Variants in ADAM9 observed in about 807,000 individuals in gnomAD.
ADAM9 encodes disintegrin and metalloproteinase domain-containing protein 9.
Under a neutral mutation model 108.1 loss-of-function variants are expected in ADAM9, and 54 were observed. That is an observed-to-expected ratio of 0.50 (90% CI 0.40 to 0.63). ADAM9 has a LOEUF of 0.63. Ranked by LOEUF, ADAM9 falls within the 20% of genes least tolerant of loss-of-function variation. The pLI, the probability that ADAM9 is intolerant of heterozygous loss-of-function variation, is 0.00. For synonymous variants in ADAM9, 316 were observed against 336.0 expected, an observed-to-expected ratio of 0.94 and a Z score of 0.65; for missense variants, 830 against 997.7, an observed-to-expected ratio of 0.83 and a Z score of 2.26.
chr8:39,079,026 A>G (rs2129442027), intron 16 of ADAM9, among the ~76,000 whole-genome samples: 1 of 152,314 alleles, frequency 6.6e-6, no homozygotes, highest in South Asian at 2.1e-4. Context: ...GGTGAGAGAA[A>G]ACAGGGGAGG....
intron 2 of ADAM9, among the ~76,000 whole-genome samples, chr8:39,008,285 C>T (rs1157233725): frequency 1.3e-5 from 2 of 152,026 alleles, no homozygotes; most frequent in East Asian, 1.9e-4. Flanking sequence ...ATTCTCCTGC[C>T]TCAGCCTTCT....
chr8:39,042,223 A>C, intron 12 of ADAM9, 106 bp downstream of exon 12: 1 of 1,208,818 alleles, frequency 8.3e-7, no homozygotes, highest in Non-Finnish European at 1.2e-6. Context: ...AGTAAAATTT[A>C]GTGGCACAGT....
rs374186596 is a variant in ADAM9 at position 39,054,441 on chromosome 8, A to T, written c.1303-40A>T. 11 of 1,543,618 alleles carry T rather than the reference A, an allele frequency of 7.1e-6. No homozygotes were observed. The Admixed American group carries it at 1.7e-4, about 23-fold the overall frequency. ...ATTTTATTAATGAGTATTCATGTCAATTACTAATTTCTTTATTGACAGTCA... is the reference window on the plus strand; with the variant it reads ...ATTTTATTAATGAGTATTCATGTCATTTACTAATTTCTTTATTGACAGTCA... On this transcript the variant is annotated intron_variant, in intron 12 of 21. Transcript: ENST00000487273.
intron 12 of ADAM9, among the ~76,000 whole-genome samples, chr8:39,047,541 G>A (rs952207063): frequency 3.3e-5 from 5 of 151,752 alleles, no homozygotes; most frequent in African/African-American, 1.2e-4. Flanking sequence ...GTGTTTCTAG[G>A]AATTTATCCG....
intron 20 of ADAM9, among the ~76,000 whole-genome samples, chr8:39,097,218 A>G (rs1321073787): frequency 4.0e-5 from 6 of 151,424 alleles, no homozygotes; most frequent in African/African-American, 1.5e-4. Flanking sequence ...GTCCTCTGTG[A>G]GGTTTTTTTC....
chr8:39,049,964 C>T (rs1837903274), intron 12 of ADAM9, among the ~76,000 whole-genome samples: 1 of 152,134 alleles, frequency 6.6e-6, no homozygotes, highest in Non-Finnish European at 1.5e-5. Flanking sequence ...TCATGATGAA[C>T]TTCCCTGCTT....
Position 39,082,729 on chromosome 8 carries a change from A to G in ADAM9, c.1962+8A>G. 4 of 1,611,512 alleles carry G rather than the reference A, an allele frequency of 2.5e-6. No individual in the cohort carries two copies. The highest frequency in any genetic ancestry group is 2.5e-6 in the Non-Finnish European group (3 of 1,177,960). On this transcript the variant is annotated splice_region_variant and intron_variant, in intron 17 of 21. Transcript: ENST00000487273. ...AAGTGTCATGGACATGGGGTAGGTA[A>G]TGTTTTCTTTTGGCTTGTTCCTGAA...
At chr8:39,035,266 A>G (rs377694641) in intron 11 of ADAM9, among the ~76,000 whole-genome samples, 2 of 152,032 alleles carry the variant, frequency 1.3e-5, no homozygotes, top group African/African-American at 4.8e-5. Flanking sequence ...TCATTTGTCA[A>G]ATTTATGTCT....
chr8:39,050,116 T>C (rs1020212860), intron 12 of ADAM9, among the ~76,000 whole-genome samples: 1 of 152,232 alleles, frequency 6.6e-6, no homozygotes, highest in Non-Finnish European at 1.5e-5. Context: ...AGATTTCTGC[T>C]GAAAAATCCA....
chr8:39,043,389 C>A (rs1837513486), intron 12 of ADAM9, among the ~76,000 whole-genome samples: 1 of 152,128 alleles, frequency 6.6e-6, no homozygotes, highest in African/African-American at 2.4e-5. Flanking sequence ...GCATTCTTCC[C>A]AACAGTGCAC....
At chr8:39,040,140 C>T (rs561837283) in intron 11 of ADAM9, among the ~76,000 whole-genome samples, 2 of 152,280 alleles carry the variant, frequency 1.3e-5, no homozygotes, top group South Asian at 4.2e-4. Context: ...ACCTCTGCCT[C>T]CCAGGTTCAA....
At position 39,025,887 on chromosome 8, in the gene ADAM9, A is replaced by G. The variant is rs748386766; in HGVS notation, c.996+3A>G. 1.9e-6 allele frequency: 3 copies of G among 1,613,800 alleles called. No homozygotes were observed. The highest frequency in any genetic ancestry group is 8.5e-7 in the Non-Finnish European group (1 of 1,179,832). On this transcript the variant is annotated splice_donor_region_variant and intron_variant, in intron 10 of 21. Coordinates refer to ENST00000487273, the MANE Select transcript of ADAM9 (RefSeq NM_003816.3). Reference sequence around the variant, plus strand: ...GCCACGCAGGCGGGATTAATGTGGTACGTTGTTCTTGATGTTTAACTTTGG... The same window carrying G: ...GCCACGCAGGCGGGATTAATGTGGTGCGTTGTTCTTGATGTTTAACTTTGG...
intron 12 of ADAM9, among the ~76,000 whole-genome samples, chr8:39,045,351 TAC>T (rs1554579151): frequency 3.3e-5 from 4 of 121,214 alleles, no homozygotes; most frequent in South Asian, 2.5e-4. Context: ...TACATGTGTG[TAC>T]ATACATATAG....
Position 39,104,113 on chromosome 8 carries a change from A to T in ADAM9, c.*413A>T. 2.2e-6 allele frequency: 1 copy of T among 456,298 alleles called. No homozygotes were observed. The highest frequency in any genetic ancestry group is 4.4e-6 in the Non-Finnish European group (1 of 228,390). The allele number at this position is 456,298 out of a possible 1,614,324, so 28.3% of individuals were successfully genotyped here. A position where few individuals can be genotyped will look rare whatever the true frequency, so the allele number is the denominator to read the frequency against. On this transcript the variant is annotated 3_prime_UTR_variant, in exon 22 of 22. Transcript: ENST00000487273. ...TGTAGTTCCTCATTGAACATGTGAT[A>T]ATCTAATACCTGTGAAAACTGACTA...
At chr8:39,052,573 G>GT (rs550933849) in intron 12 of ADAM9, among the ~76,000 whole-genome samples, 6 of 151,686 alleles carry the variant, frequency 4.0e-5, no homozygotes, top group Middle Eastern at 3.4e-3. Flanking sequence ...AATTATTTTA[G>GT]TTTTTTTTAA....
chr8:39,038,079 C>G (rs528374391), intron 11 of ADAM9, among the ~76,000 whole-genome samples: 1 of 152,206 alleles, frequency 6.6e-6, no homozygotes, highest in Non-Finnish European at 1.5e-5. Flanking sequence ...CCACTTCTTA[C>G]AGCTCCCACT....
At chr8:39,011,628 T>A in intron 2 of ADAM9, 30 bp from the exon 3 acceptor site, 1 of 1,583,050 alleles carries the variant, frequency 6.3e-7, no homozygotes, top group Non-Finnish European at 8.7e-7. Context: ...TAAGATGATG[T>A]TTTATTCTTT....
At chr8:39,065,276 C>T (rs542254951) in intron 14 of ADAM9, among the ~76,000 whole-genome samples, 5 of 150,122 alleles carry the variant, frequency 3.3e-5, no homozygotes, top group East Asian at 1.9e-4. Context: ...TCTTTTATTG[C>T]GGTTTTCATT....
chr8:39,070,152 C>CAAAAAAAAAA (rs5891052), intron 14 of ADAM9, among the ~76,000 whole-genome samples: 1 of 81,428 alleles, frequency 1.2e-5, no homozygotes, highest in Non-Finnish European at 2.4e-5. Context: ...GACTCTGTCT[C>CAAAAAAAAAA]AAAAAAAAAA....
Sources: allele counts gnomAD v4.1 joint callset (sites outside exome capture counted in the v4.1 genomes callset), GRCh38; gene constraint gnomAD v4.1.1; transcripts MANE v1.5; gene names NCBI Gene and HGNC (gene_info 2026-07-23, HGNC 2026-07-21).